Variants in RBKS observed in about 807,000 individuals in gnomAD.
The protein encoded by RBKS is ribokinase.
RBKS carries 33 observed loss-of-function variants against 33.9 expected under a neutral mutation model. The ratio of observed to expected loss-of-function variants is 0.97; its 90% CI spans 0.74 to 1.30. The LOEUF is 1.30. Ranked by LOEUF, RBKS falls within the 50% of genes most tolerant of loss-of-function variation. RBKS has a pLI of 0.00. For synonymous variants in RBKS, 125 were observed against 143.0 expected, an observed-to-expected ratio of 0.87 and a Z score of 0.90; for missense variants, 361 against 392.6, an observed-to-expected ratio of 0.92 and a Z score of 0.68.
chr2:27,786,460 T>C (rs1297642941), intron 7 of RBKS, among the ~76,000 whole-genome samples: 2 of 152,162 alleles, frequency 1.3e-5, no homozygotes, highest in African/African-American at 4.8e-5. Context: ...CAGGGTATTT[T>C]TTGGCTGCAG....
intron 7 of RBKS, among the ~76,000 whole-genome samples, chr2:27,822,839 T>C (rs1397494220): frequency 6.6e-6 from 1 of 152,240 alleles, no homozygotes; most frequent in Non-Finnish European, 1.5e-5. Flanking sequence ...CATGCGTTAT[T>C]ACAGAGTGAG....
intron 7 of RBKS, among the ~76,000 whole-genome samples, chr2:27,801,462 T>TGTACAC (rs1553375075): frequency 2.4e-5 from 2 of 83,074 alleles, no homozygotes; most frequent in South Asian, 3.8e-4. Flanking sequence ...AGGGCCACAG[T>TGTACAC]ATACACACAC....
At chr2:27,817,858 G>A (rs1243892863) in intron 7 of RBKS, among the ~76,000 whole-genome samples, 1 of 152,182 alleles carries the variant, frequency 6.6e-6, no homozygotes, top group Non-Finnish European at 1.5e-5. Flanking sequence ...GATCTCGTGA[G>A]AACTCACTAT....
chr2:27,882,149 G>C (rs1358451723), intron 1 of RBKS, among the ~76,000 whole-genome samples: 2 of 151,568 alleles, frequency 1.3e-5, no homozygotes, highest in Non-Finnish European at 2.9e-5. Context: ...CAGAATGGGA[G>C]AAAATTTTTG....
intron 3 of RBKS, 44 bp from the exon 4 acceptor site, chr2:27,847,148 C>T (rs1343526075): frequency 2.7e-6 from 3 of 1,127,640 alleles, no homozygotes; most frequent in Admixed American, 3.6e-5. Context: ...TACAGGCTGG[C>T]ATGGATAATT....
Position 27,847,503 on chromosome 2 carries a change from A to C in RBKS, c.287-399T>G, listed in dbSNP as rs1034120255. Among the ~76,000 whole-genome samples the C allele has an allele frequency of 3.9e-5, 6 of 152,310 alleles. 1 individual carries two copies. Among genetic ancestry groups the C allele is most frequent in the Middle Eastern group, 6.8e-3 (2 of 294 alleles). ...CTTGTTTGATTATTTTCATTCTCAT[A>C]AGCTTGTTATTTCACCAAGAACCAA... On this transcript the variant is annotated intron_variant, in intron 3 of 7. Transcript: ENST00000302188.
In RBKS at chr2:27,858,497, C is replaced by T. The variant is rs1368639443; in HGVS notation, c.164G>A (p.Gly55Asp). The change falls in exon 2 of 8, where the codon GGT becomes GAT. Residue 55 changes from glycine (G) to aspartate (D), a missense_variant. Coordinates refer to ENST00000302188, the MANE Select transcript of RBKS (RefSeq NM_022128.3). Reference sequence around the variant, plus strand: ...AGCAGCTTGGACACACTGGTTGGCACCTTTCCCTCCAAAGCCAATAAAAAA... The same window carrying T: ...AGCAGCTTGGACACACTGGTTGGCATCTTTCCCTCCAAAGCCAATAAAAAA... Reference protein sequence around the residue: ...HKFFIGFGGKGANQCVQAARL... With the variant: ...HKFFIGFGGKDANQCVQAARL... The T allele has an allele frequency of 6.2e-7, 1 of 1,614,092 alleles. No homozygotes were observed. Among genetic ancestry groups the T allele is most frequent in the Non-Finnish European group, 8.5e-7 (1 of 1,179,994 alleles).
At chr2:27,834,743 C>T (rs1678483216) in intron 5 of RBKS, among the ~76,000 whole-genome samples, 1 of 152,146 alleles carries the variant, frequency 6.6e-6, no homozygotes, top group South Asian at 2.1e-4. Context: ...CACAAATCTA[C>T]ATTCATCAGC....
intron 5 of RBKS, among the ~76,000 whole-genome samples, chr2:27,840,904 G>A (rs993009566): frequency 3.9e-5 from 6 of 151,934 alleles, no homozygotes; most frequent in African/African-American, 1.2e-4. Flanking sequence ...TTTTTCTGAG[G>A]GTAAAATGTG....
intron 1 of RBKS, among the ~76,000 whole-genome samples, chr2:27,887,660 AT>A (rs1280570911): frequency 6.6e-6 from 1 of 152,062 alleles, no homozygotes; most frequent in South Asian, 2.1e-4. Flanking sequence ...TTTACTAATG[AT>A]TTTTTACTGA....
chr2:27,847,944 T>A (rs961703644), intron 3 of RBKS, 90 bp downstream of exon 3: 9 of 743,104 alleles, frequency 1.2e-5, no homozygotes. Context: ...GGGGAAGGTC[T>A]AATAATCCTC....
At chr2:27,819,427 A>G (rs1678157152) in intron 7 of RBKS, among the ~76,000 whole-genome samples, 1 of 152,188 alleles carries the variant, frequency 6.6e-6, no homozygotes, top group Non-Finnish European at 1.5e-5. Context: ...GCTTCAACAT[A>G]TGAATTTTGG....
intron 2 of RBKS, among the ~76,000 whole-genome samples, chr2:27,856,641 C>T (rs1355238263): frequency 6.6e-6 from 1 of 152,146 alleles, no homozygotes; most frequent in African/African-American, 2.4e-5. Context: ...CATAAAACAT[C>T]CAAGAGAGGG....
chr2:27,813,788 C>T (rs1441935655), intron 7 of RBKS, among the ~76,000 whole-genome samples: 2 of 151,918 alleles, frequency 1.3e-5, no homozygotes, highest in African/African-American at 4.8e-5. Flanking sequence ...TGATGAAAAA[C>T]ATAAATACTG....
At chr2:27,873,505 G>A (rs766553545) in intron 1 of RBKS, among the ~76,000 whole-genome samples, 11 of 152,162 alleles carry the variant, frequency 7.2e-5, no homozygotes, top group Non-Finnish European at 1.6e-4. Flanking sequence ...ACAGCCTGAA[G>A]GACTTTAAAA....
In RBKS at chr2:27,824,816, G is replaced by A. The variant is rs189383773; in HGVS notation, c.795+2751C>T. 5.3e-5 allele frequency among the ~76,000 whole-genome samples: 8 copies of A among 152,152 alleles called. No homozygotes were observed. In the East Asian group the frequency reaches 1.5e-3, roughly 29 times the overall value. ...TTCTGGTAATTATCTGATGTTTCTG[G>A]CAATACACTTATACTGCTTTTAGAA... On this transcript the variant is annotated intron_variant, in intron 7 of 7. Transcript: ENST00000302188.
At chr2:27,886,071 G>GA (rs1271631491) in intron 1 of RBKS, among the ~76,000 whole-genome samples, 1 of 152,208 alleles carries the variant, frequency 6.6e-6, no homozygotes, top group Non-Finnish European at 1.5e-5. Context: ...TGTAACTTTA[G>GA]AGATGAGTGT....
Position 27,837,589 on chromosome 2 carries a change from T to C in RBKS, c.515-4812A>G, listed in dbSNP as rs1678551624. On this transcript the variant is annotated intron_variant, in intron 5 of 7. Transcript: ENST00000302188. This position sits in a 1 kb window ranked among gnomAD's most constrained non-coding sequence, Gnocchi z 4.0. The stretch of plus-strand genomic sequence containing the variant: ...TGGAATCAACCTAGGTGCCCATCAA[T>C]GGTGGACTGGATAAAGAAAATGTGG... 6.6e-6 allele frequency among the ~76,000 whole-genome samples: 1 copy of C among 152,146 alleles called. No individual in the cohort carries two copies. Among genetic ancestry groups the C allele is most frequent in the African/African-American group, 2.4e-5 (1 of 41,428 alleles).
At chr2:27,792,793 T>C (rs1449531613) in intron 7 of RBKS, among the ~76,000 whole-genome samples, 1 of 152,214 alleles carries the variant, frequency 6.6e-6, no homozygotes, top group African/African-American at 2.4e-5. Flanking sequence ...CTTCTTTACC[T>C]TTTTGGGCCT....
Sources: gnomAD v4.1 joint callset for allele counts (sites outside exome capture counted in the v4.1 genomes callset) on GRCh38, gnomAD v4.1.1 for gene constraint, Gnocchi (gnomAD v3.1) non-coding constraint, MANE v1.5 for transcripts, NCBI Gene and HGNC (gene_info 2026-07-23, HGNC 2026-07-21) for gene names.